PAQR3: variants seen among roughly 807,000 people sequenced by gnomAD.
PAQR3 encodes the protein progestin and adipoQ receptor family member 3.
In PAQR3, 39 loss-of-function variants were observed where a neutral mutation model predicts 41.7. The observed-to-expected ratio is 0.93, with a 90% CI of 0.72 to 1.22. PAQR3 has a LOEUF of 1.22. Ranked by LOEUF, PAQR3 falls within the 50% of genes most tolerant of loss-of-function variation. PAQR3 has a pLI of 0.00. For synonymous variants in PAQR3, 140 were observed against 140.6 expected (o/e 1.00, Z 0.03); for missense variants, 366 against 385.6 (o/e 0.95, Z 0.42).
At chr4:78,909,208 T>G (rs1454220799), downstream of PAQR3, among the ~76,000 whole-genome samples, 1 of 151,972 alleles carries the variant, frequency 6.6e-6, no homozygotes, top group Non-Finnish European at 1.5e-5. Context: ...TGGCTAATTT[T>G]TCTATTTTTA....
intron 5 of PAQR3, chr4:78,922,353 C>T (rs1358895670): frequency 7.8e-7 from 1 of 1,288,506 alleles, no homozygotes; most frequent in East Asian, 5.5e-5. Context: ...GGGTTTCTCA[C>T]CCTTTCTTCT....
chr4:78,887,517 C>T (rs1160218524), intron 12 of PAQR3, among the ~76,000 whole-genome samples: 1 of 152,022 alleles, frequency 6.6e-6, no homozygotes, highest in African/African-American at 2.4e-5. Context: ...AACATAACTG[C>T]TTCTTTTCAT....
chr4:78,899,218 G>A (rs1471554967), intron 11 of PAQR3: 1 of 152,144 alleles, frequency 6.6e-6, no homozygotes. Flanking sequence ...ATTTAGAGGG[G>A]CAGAATATAT....
rs773342864 is a variant in PAQR3, at chr4:78,939,242, G to T, written c.-18C>A. 6.4e-6 allele frequency: 10 copies of T among 1,570,598 alleles called. No individual in the cohort carries two copies. Among genetic ancestry groups the T allele is most frequent in the African/African-American group, 1.4e-5 (1 of 71,144 alleles). On this transcript the variant is annotated 5_prime_UTR_variant, in exon 1 of 6. Coordinates refer to ENST00000512733, the MANE Select transcript of PAQR3 (RefSeq NM_001040202.2). ...TGATGCATCGTTCCCGGCCGCCGCC[G>T]CTCCCCGGCTCGGGAGCTCCCCCAG... is the stretch of plus-strand genomic sequence containing the variant.
At chr4:78,923,792 G>T in intron 5 of PAQR3, 65 bp downstream of exon 5, 2 of 1,001,102 alleles carry the variant, frequency 2.0e-6, no homozygotes, top group Non-Finnish European at 3.2e-6. Flanking sequence ...TTGATGCTCT[G>T]ATGCATATAC....
Position 78,920,476 on chromosome 4 carries a change from G to A in PAQR3, c.*63C>T, listed in dbSNP as rs1201373115. ...ACTAATGGGAATCTTAGAAATAGTGGGGTATACAATTCCCCATTATATATT... is the reference window on the plus strand; with the variant it reads ...ACTAATGGGAATCTTAGAAATAGTGAGGTATACAATTCCCCATTATATATT... On this transcript the variant is annotated 3_prime_UTR_variant, in exon 6 of 6. Transcript: ENST00000512733. 1.3e-6 allele frequency: 2 copies of A among 1,499,168 alleles called. No homozygotes were observed. The highest frequency in any genetic ancestry group is 1.8e-6 in the Non-Finnish European group (2 of 1,121,010). The allele number at this position is 1,499,168 out of a possible 1,614,324, so 92.9% of individuals were successfully genotyped here.
At chr4:78,924,206 A>C (rs1041568460) in intron 4 of PAQR3, among the ~76,000 whole-genome samples, 5 of 152,106 alleles carry the variant, frequency 3.3e-5, no homozygotes, top group Admixed American at 1.3e-4. Context: ...TCCATCTACA[A>C]TGTAGGTATA....
chr4:78,894,215 A>G (rs754373470), intron 11 of PAQR3, among the ~76,000 whole-genome samples: 1 of 152,202 alleles, frequency 6.6e-6, no homozygotes, highest in Non-Finnish European at 1.5e-5. Context: ...AAAGTCACCA[A>G]TTGCATTAGC....
intron 11 of PAQR3, among the ~76,000 whole-genome samples, chr4:78,892,742 G>C (rs531194157): frequency 6.6e-6 from 1 of 152,264 alleles, no homozygotes; most frequent in African/African-American, 2.4e-5. Flanking sequence ...GCATACAAAA[G>C]TTACATTTAC....
intron 5 of PAQR3, chr4:78,921,479 T>C (rs1009692406): frequency 6.1e-6 from 1 of 163,276 alleles, no homozygotes. Flanking sequence ...TGTATATCAA[T>C]AAGATTCTTA....
At chr4:78,934,678 C>A (rs1228628444) in intron 2 of PAQR3, among the ~76,000 whole-genome samples, 1 of 151,992 alleles carries the variant, frequency 6.6e-6, no homozygotes, top group Non-Finnish European at 1.5e-5. Flanking sequence ...ATTAAAGCAA[C>A]AGAGTAAAAA....
At chr4:78,923,447 C>T (rs1194254707) in intron 5 of PAQR3, 6 of 223,766 alleles carry the variant, frequency 2.7e-5, no homozygotes. Flanking sequence ...TCGTCATTTA[C>T]ATTTTCTTAC....
At position 78,912,245 on chromosome 4, in the gene PAQR3, A is replaced by G. The variant is rs1734678625; in HGVS notation, c.*8294T>C. On this transcript the variant is annotated 3_prime_UTR_variant, in exon 6 of 6. Transcript: ENST00000512733. ...TCAGGAGAAAAGGGAGCTAAATTGC[A>G]AGCTCTAACTAAGGGTTTCTGCTAC... 2.0e-6 allele frequency: 1 copy of G among 503,758 alleles called. No homozygotes were observed. The highest frequency in any genetic ancestry group is 3.5e-6 in the Non-Finnish European group (1 of 288,274). 31.2% of individuals were successfully genotyped at this position (503,758 alleles called of 1,614,324 possible).
In PAQR3 at chr4:78,914,027, C is replaced by T. The variant is rs1413392791; in HGVS notation, c.*6512G>A. On this transcript the variant is annotated 3_prime_UTR_variant, in exon 6 of 6. Coordinates refer to ENST00000512733, the MANE Select transcript of PAQR3 (RefSeq NM_001040202.2). Reference sequence around the variant, plus strand: ...TTTAAAAGTGAAGAGTTGATGATTACACATAGTAAATTCATGAACTACAGT... The same window carrying T: ...TTTAAAAGTGAAGAGTTGATGATTATACATAGTAAATTCATGAACTACAGT... 1 of 151,706 alleles carries T rather than the reference C, an allele frequency of 6.6e-6. No individual in the cohort carries two copies. The highest frequency in any genetic ancestry group is 1.5e-5 in the Non-Finnish European group (1 of 67,908). The allele number at this position is 151,706 out of a possible 1,614,324, so 9.4% of individuals were successfully genotyped here. A position where few individuals can be genotyped will look rare whatever the true frequency, so the allele number is the denominator to read the frequency against.
In PAQR3 at chr4:78,919,510, C is replaced by T; in HGVS notation, c.*1029G>A. On this transcript the variant is annotated 3_prime_UTR_variant, in exon 6 of 6. Coordinates refer to ENST00000512733, the MANE Select transcript of PAQR3 (RefSeq NM_001040202.2). ...GTTATCAATGCAATGCTAACACATG[C>T]AGAAACCGAGGACCAGAGCACAGGT... is the stretch of plus-strand genomic sequence containing the variant. 1.0e-6 allele frequency: 1 copy of T among 985,116 alleles called. No individual in the cohort carries two copies. Among genetic ancestry groups the T allele is most frequent in the East Asian group, 1.1e-4 (1 of 8,818 alleles). 61.0% of individuals were successfully genotyped at this position (985,116 alleles called of 1,614,324 possible). A position where few individuals can be genotyped will look rare whatever the true frequency, so the allele number is the denominator to read the frequency against.
At chr4:78,911,105 A>T, downstream of PAQR3, 1 of 1,613,958 alleles carries the variant, frequency 6.2e-7, no homozygotes, top group South Asian at 1.1e-5. Flanking sequence ...ACTCCCAAAC[A>T]GGAGTTTGAT....
chr4:78,922,972 T>C, intron 5 of PAQR3: 1 of 456,178 alleles, frequency 2.2e-6, no homozygotes, highest in Non-Finnish European at 4.4e-6. Context: ...ATTTTCCATC[T>C]GAAAATATTT....
chr4:78,908,039 T>C (rs551969502), downstream of PAQR3, among the ~76,000 whole-genome samples: 1 of 152,332 alleles, frequency 6.6e-6, no homozygotes, highest in African/African-American at 2.4e-5. Flanking sequence ...ATTAACTTTG[T>C]TTTTAATATC....
In PAQR3 at chr4:78,918,921, A is replaced by G; in HGVS notation, c.*1618T>C. 3.0e-6 allele frequency: 3 copies of G among 985,038 alleles called. No homozygotes were observed. The highest frequency in any genetic ancestry group is 3.6e-6 in the Non-Finnish European group (3 of 829,710). 61.0% of individuals were successfully genotyped at this position (985,038 alleles called of 1,614,324 possible). A position where few individuals can be genotyped will look rare whatever the true frequency, so the allele number is the denominator to read the frequency against. On this transcript the variant is annotated 3_prime_UTR_variant, in exon 6 of 6. Transcript: ENST00000512733. The stretch of plus-strand genomic sequence containing the variant: ...ACCAAAATCTTCTATCACTTAACAT[A>G]TGGATCAAAATTTTAACCTTATAAG...
Sources: allele counts gnomAD v4.1 joint callset (sites outside exome capture counted in the v4.1 genomes callset), GRCh38; gene constraint gnomAD v4.1.1; transcripts MANE v1.5; gene names NCBI Gene and HGNC (gene_info 2026-07-23, HGNC 2026-07-21).